Variants in PRIM2 observed in about 807,000 individuals in gnomAD.
PRIM2 encodes the protein DNA primase large subunit.
Under a neutral mutation model 67.3 loss-of-function variants are expected in PRIM2, and 39 were observed. The observed-to-expected ratio is 0.58, with a 90% CI of 0.45 to 0.76. The LOEUF (loss-of-function observed/expected upper bound fraction) is 0.76, where lower values mean the gene tolerates loss of function less well. Among genes scored for constraint, PRIM2 ranks in the 30% least tolerant of loss-of-function variants. PRIM2 has a pLI of 0.00. For missense variants in PRIM2, 398 were observed against 598.7 expected (o/e 0.66, Z 3.50); for synonymous variants, 143 against 198.7 (o/e 0.72, Z 2.36).
At chr6:57,413,049 T>G (rs1484386811) in intron 7 of PRIM2, among the ~76,000 whole-genome samples, 2 of 152,006 alleles carry the variant, frequency 1.3e-5, no homozygotes, top group Non-Finnish European at 2.9e-5. Context: ...GTTGAAAGTT[T>G]CTGGGGAGTA....
intron 5 of PRIM2, among the ~76,000 whole-genome samples, chr6:57,360,862 T>G (rs1274357988): frequency 6.6e-6 from 1 of 152,190 alleles, no homozygotes; most frequent in African/African-American, 2.4e-5. Flanking sequence ...ACAAGTGACA[T>G]ATTTTGAGTA....
intron 5 of PRIM2, among the ~76,000 whole-genome samples, chr6:57,346,978 C>A (rs1230180241): frequency 1.3e-5 from 2 of 152,120 alleles, no homozygotes; most frequent in African/African-American, 2.4e-5. Context: ...AGTTAATACC[C>A]CTATTCTGGA....
intron 10 of PRIM2, among the ~76,000 whole-genome samples, chr6:57,566,828 A>G (rs1406727359): frequency 2.6e-5 from 4 of 152,182 alleles, no homozygotes; most frequent in African/African-American, 9.6e-5. Context: ...TTTCAGAGCA[A>G]TTAAGTGCTT....
At chr6:57,322,681 C>T (rs2127271510) in intron 3 of PRIM2, among the ~76,000 whole-genome samples, 1 of 152,286 alleles carries the variant, frequency 6.6e-6, no homozygotes, top group South Asian at 2.1e-4. Context: ...TATGGGTTTA[C>T]TCAGTCTTGG....
the PRIM2 span, among the ~76,000 whole-genome samples, chr6:57,231,327 G>A: frequency 2.9e-4 from 44 of 152,284 alleles, 1 homozygote; most frequent in Admixed American, 2.7e-3. Context: ...TCCTGTGGTA[G>A]GGAGGGGAAA....
At chr6:57,341,702 G>A (rs1201294313) in intron 5 of PRIM2, among the ~76,000 whole-genome samples, 1 of 152,206 alleles carries the variant, frequency 6.6e-6, no homozygotes, top group Non-Finnish European at 1.5e-5. Flanking sequence ...TATCAGTGAT[G>A]CTTTTAGACT....
intron 5 of PRIM2, among the ~76,000 whole-genome samples, chr6:57,368,161 A>T (rs1289106005): frequency 6.6e-6 from 1 of 152,172 alleles, no homozygotes; most frequent in Non-Finnish European, 1.5e-5. Context: ...TTTATAAATG[A>T]AATGATTCCT....
Position 57,441,905 on chromosome 6 carries a change from C to T in PRIM2, c.693+59737C>T, listed in dbSNP as rs930213839. 3.9e-5 allele frequency among the ~76,000 whole-genome samples: 6 copies of T among 151,920 alleles called. No individual in the cohort carries two copies. In the South Asian group the frequency reaches 8.3e-4, roughly 21 times the overall value. ...CTTTTGCTTGGAGTGCCTTTTGCCT[C>T]CCCATATAATATTAAAAAGATGTAC... On this transcript the variant is annotated intron_variant, in intron 7 of 13. Coordinates refer to ENST00000615550, the MANE Select transcript of PRIM2 (RefSeq NM_000947.5).
intron 12 of PRIM2, among the ~76,000 whole-genome samples, chr6:57,627,440 G>A (rs1225150978): frequency 4.0e-5 from 6 of 151,368 alleles, no homozygotes; most frequent in African/African-American, 1.5e-4. Context: ...CCAGGCTGGA[G>A]TGTAGGGTTG....
chr6:57,545,307 C>T (rs1235457346), intron 10 of PRIM2, among the ~76,000 whole-genome samples: 1 of 151,860 alleles, frequency 6.6e-6, no homozygotes, highest in Non-Finnish European at 1.5e-5. Flanking sequence ...GTACATATTC[C>T]ATCTACTTGG....
At chr6:57,605,726 G>C (rs1280188569) in intron 11 of PRIM2, among the ~76,000 whole-genome samples, 7 of 151,904 alleles carry the variant, frequency 4.6e-5, no homozygotes, top group African/African-American at 2.4e-5. Context: ...AAATTCTTCT[G>C]TATTCTTATT....
intron 7 of PRIM2, among the ~76,000 whole-genome samples, chr6:57,394,054 G>T (rs1387795214): frequency 2.0e-5 from 3 of 152,168 alleles, no homozygotes; most frequent in Non-Finnish European, 4.4e-5. Context: ...ATGCTGTTTG[G>T]GTGACTATGG....
intron 10 of PRIM2, among the ~76,000 whole-genome samples, chr6:57,593,142 G>A (rs1428275913): frequency 6.6e-6 from 1 of 152,116 alleles, no homozygotes; most frequent in Non-Finnish European, 1.5e-5. Flanking sequence ...TATATTGCCA[G>A]TGCCACAGCT....
upstream of PRIM2, among the ~76,000 whole-genome samples, chr6:57,313,749 G>A (rs367883641): frequency 2.0e-5 from 3 of 152,168 alleles, no homozygotes; most frequent in African/African-American, 7.2e-5. Context: ...AACACAGCTG[G>A]TAGGACCTAG....
At chr6:57,439,540 C>T (rs559317982) in intron 7 of PRIM2, among the ~76,000 whole-genome samples, 46 of 150,332 alleles carry the variant, frequency 3.1e-4, no homozygotes, top group African/African-American at 1.1e-3. Flanking sequence ...CTCAGCCTCC[C>T]GAGTAGCTGA....
chr6:57,311,277 A>G (rs1487653253), upstream of PRIM2, among the ~76,000 whole-genome samples: 1 of 117,780 alleles, frequency 8.5e-6, no homozygotes, highest in African/African-American at 3.3e-5. Flanking sequence ...CACTTCCCAG[A>G]CGGGGCGGCC....
chr6:57,374,919 A>G (rs1363752804), intron 5 of PRIM2, among the ~76,000 whole-genome samples: 2 of 152,278 alleles, frequency 1.3e-5, no homozygotes, highest in Non-Finnish European at 2.9e-5. Flanking sequence ...TTAGTTTAGT[A>G]TCTTGAGACT....
rs902595001 is a variant in PRIM2, at chr6:57,399,244, A to G, written c.693+17076A>G. The stretch of plus-strand genomic sequence containing the variant: ...TGTGATATTCCCCACCCTGTGTCCA[A>G]GTGTTCTCACTGTTCAGTTCCCACC... On this transcript the variant is annotated intron_variant, in intron 7 of 13. Coordinates refer to ENST00000615550, the MANE Select transcript of PRIM2 (RefSeq NM_000947.5). Among the ~76,000 whole-genome samples the G allele has an allele frequency of 5.3e-5, 8 of 152,096 alleles. No homozygotes were observed. The South Asian group carries it at 1.0e-3, about 20-fold the overall frequency.
intron 10 of PRIM2, among the ~76,000 whole-genome samples, chr6:57,565,507 C>T (rs1219694937): frequency 6.6e-6 from 1 of 150,734 alleles, no homozygotes; most frequent in African/African-American, 2.4e-5. Flanking sequence ...AAGTCCCAGT[C>T]CAAGGATAGG....
Sources: allele counts gnomAD v4.1 joint callset (sites outside exome capture counted in the v4.1 genomes callset), GRCh38; gene constraint gnomAD v4.1.1; transcripts MANE v1.5; gene names NCBI Gene and HGNC (gene_info 2026-07-23, HGNC 2026-07-21).